Variants in KAT7 observed in about 807,000 individuals in gnomAD.
KAT7 encodes lysine acetyltransferase 7, also known as histone acetyltransferase KAT7.
Under a neutral mutation model 82.1 loss-of-function variants are expected in KAT7, and 10 were observed. The observed-to-expected ratio is 0.12, with a 90% CI of 0.08 to 0.21. KAT7 has a LOEUF of 0.21. KAT7 is among the 10% of genes least tolerant of loss of function. The pLI, the probability that KAT7 is intolerant of heterozygous loss-of-function variation, is 1.00. For missense variants in KAT7, 378 were observed against 760.9 expected (o/e 0.50, Z 5.92); for synonymous variants, 250 against 262.5 (o/e 0.95, Z 0.46).
At chr17:49,826,615 G>A in intron 13 of KAT7, 78 bp from the exon 14 acceptor site, 1 of 888,006 alleles carries the variant, frequency 1.1e-6, no homozygotes, top group Non-Finnish European at 1.9e-6. Context: ...TTCCTTTAAG[G>A]GAAAGTAGAC....
In KAT7 at chr17:49,830,912, AG is replaced by A. The variant is rs1420222746; in HGVS notation, c.*3412del. On this transcript the variant is annotated 3_prime_UTR_variant, in exon 15 of 15. Transcript: ENST00000259021. Reference sequence around the variant, plus strand: ...AAACTGGTGAAAACTTTCAGGCAAAAGGATTTTCTTTTTATATTTTTTCTTA... The same window carrying A: ...AAACTGGTGAAAACTTTCAGGCAAAAGATTTTCTTTTTATATTTTTTCTTA... The A allele has an allele frequency of 6.6e-6, 1 of 152,268 alleles. No homozygotes were observed. Among genetic ancestry groups the A allele is most frequent in the African/African-American group, 2.4e-5 (1 of 41,512 alleles). The allele number at this position is 152,268 out of a possible 1,614,324, so 9.4% of individuals were successfully genotyped here. A position where few individuals can be genotyped will look rare whatever the true frequency, so the allele number is the denominator to read the frequency against.
At chr17:49,801,790 C>T (rs1313395860) in intron 4 of KAT7, among the ~76,000 whole-genome samples, 1 of 152,066 alleles carries the variant, frequency 6.6e-6, no homozygotes, top group Admixed American at 6.6e-5. Flanking sequence ...GCACCGGGCC[C>T]CAAAATATTC....
At chr17:49,800,976 C>T (rs151122798) in intron 4 of KAT7, among the ~76,000 whole-genome samples, 307 of 152,224 alleles carry the variant, frequency 2.0e-3, no homozygotes, top group South Asian at 7.0e-3. Context: ...AGGAGAACAG[C>T]AAGTGCTCTG....
chr17:49,813,828 C>G (rs1418103529), intron 7 of KAT7, among the ~76,000 whole-genome samples: 3 of 151,684 alleles, frequency 2.0e-5, no homozygotes, highest in Admixed American at 6.6e-5. Context: ...GGGGGCGTTC[C>G]TGGAACTGGT....
intron 11 of KAT7, among the ~76,000 whole-genome samples, chr17:49,822,334 C>T (rs1044194042): frequency 1.3e-5 from 2 of 151,770 alleles, no homozygotes; most frequent in African/African-American, 4.8e-5. Context: ...TTCAAGTGAC[C>T]CTCCTGCCTC....
chr17:49,809,863 G>A (rs370529972), intron 6 of KAT7, among the ~76,000 whole-genome samples: 3 of 152,256 alleles, frequency 2.0e-5, no homozygotes, highest in African/African-American at 7.2e-5. Flanking sequence ...CTCTCCCACC[G>A]TTAAGGAATT....
chr17:49,825,363 C>G (rs2074356425), intron 12 of KAT7, among the ~76,000 whole-genome samples: 2 of 152,196 alleles, frequency 1.3e-5, no homozygotes, highest in African/African-American at 4.8e-5. Flanking sequence ...AGTGAAGTGG[C>G]TTCACATTTT....
At position 49,791,391 on chromosome 17, in the gene KAT7, C is replaced by T. The variant is rs143766997; in HGVS notation, c.16-495C>T. On this transcript the variant is annotated intron_variant, in intron 1 of 14. Coordinates refer to ENST00000259021, the MANE Select transcript of KAT7 (RefSeq NM_007067.5). ...TTCTCTTCATGGCCGGGTGTGGTGG[C>T]TCACGTCTGTAATCCCAGCACTTTG... is the stretch of plus-strand genomic sequence containing the variant. Among the ~76,000 whole-genome samples, 54 of 152,298 alleles carry T rather than the reference C, an allele frequency of 3.5e-4. No homozygotes were observed. In the East Asian group the frequency reaches 0.01, roughly 29 times the overall value.
At chr17:49,794,107 A>G (rs1264868411) in intron 2 of KAT7, among the ~76,000 whole-genome samples, 1 of 152,250 alleles carries the variant, frequency 6.6e-6, no homozygotes, top group Non-Finnish European at 1.5e-5. Context: ...ACTAGGAACC[A>G]TGATAGAAAA....
chr17:49,792,212 G>C (rs533593773), intron 2 of KAT7, among the ~76,000 whole-genome samples, 179 bp downstream of exon 2: 3 of 152,152 alleles, frequency 2.0e-5, no homozygotes, highest in Non-Finnish European at 4.4e-5. Context: ...ATGCCTCTGT[G>C]GGGGGCTACT....
chr17:49,797,039 G>A, intron 3 of KAT7, 113 bp downstream of exon 3: 1 of 785,310 alleles, frequency 1.3e-6, no homozygotes, highest in African/African-American at 1.8e-5. Context: ...CTAGATGAAT[G>A]CTGTTTGCTT....
At chr17:49,804,378 C>CAA (rs1192411045) in intron 4 of KAT7, among the ~76,000 whole-genome samples, 10 of 93,130 alleles carry the variant, frequency 1.1e-4, no homozygotes, top group Middle Eastern at 7.7e-3. Context: ...GACTCCGTCT[C>CAA]AAAAAAAAAA....
intron 9 of KAT7, among the ~76,000 whole-genome samples, chr17:49,820,627 A>ATGGC (rs914958430): frequency 2.7e-4 from 41 of 151,854 alleles, no homozygotes; most frequent in South Asian, 1.0e-3. Flanking sequence ...CTAACAGCAG[A>ATGGC]TGGCTGGCTG....
chr17:49,804,855 T>C (rs1285397048), intron 4 of KAT7, among the ~76,000 whole-genome samples: 2 of 152,176 alleles, frequency 1.3e-5, no homozygotes, highest in Non-Finnish European at 2.9e-5. Flanking sequence ...TTTAATCTGG[T>C]TTAAAGTTAT....
Position 49,791,932 on chromosome 17 carries a change from C to G in KAT7, c.62C>G (p.Ser21Cys). The G allele has an allele frequency of 1.2e-6, 2 of 1,614,194 alleles. No homozygotes were observed. Among genetic ancestry groups the G allele is most frequent in the Non-Finnish European group, 1.7e-6 (2 of 1,180,006 alleles). ...GATGGAACCGAAGATTCCGATTTTT[C>G]TACAGATCTCGAGCACACAGACAGT... ...SSDGTEDSDF[S>C]TDLEHTDSSE... The change falls in exon 2 of 15, where the codon TCT (serine) becomes TGT (cysteine). Residue 21 changes from serine (S) to cysteine (C), a missense_variant. Transcript: ENST00000259021.
At position 49,827,531 on chromosome 17, in the gene KAT7, C is replaced by A. The variant is rs1453560457; in HGVS notation, c.*29C>A. The A allele has an allele frequency of 7.6e-7, 1 of 1,320,386 alleles. No homozygotes were observed. Among genetic ancestry groups the A allele is most frequent in the Admixed American group, 1.7e-5 (1 of 59,452 alleles). 81.8% of individuals were successfully genotyped at this position (1,320,386 alleles called of 1,614,324 possible). On this transcript the variant is annotated 3_prime_UTR_variant, in exon 15 of 15. Coordinates refer to ENST00000259021, the MANE Select transcript of KAT7 (RefSeq NM_007067.5). ...GACCTGTCATTCCGAGCCAGCGAAC[C>A]CCAGCAGTAGGAATCCGTACCCTAG...
chr17:49,793,399 A>G (rs560719486), intron 2 of KAT7, among the ~76,000 whole-genome samples: 1 of 152,286 alleles, frequency 6.6e-6, no homozygotes, highest in South Asian at 2.1e-4. Context: ...GCATTTAGGC[A>G]TCTGGGGTTA....
intron 2 of KAT7, among the ~76,000 whole-genome samples, chr17:49,794,910 T>G (rs2073936378): frequency 6.6e-6 from 1 of 152,166 alleles, no homozygotes; most frequent in Non-Finnish European, 1.5e-5. Flanking sequence ...CCCTTGGAGA[T>G]GTACAAATGG....
At chr17:49,825,398 A>T (rs2074356689) in intron 12 of KAT7, among the ~76,000 whole-genome samples, 1 of 152,166 alleles carries the variant, frequency 6.6e-6, no homozygotes, top group African/African-American at 2.4e-5. Context: ...CTTGTTTCCA[A>T]CACACACCTA....
Sources: allele counts gnomAD v4.1 joint callset (sites outside exome capture counted in the v4.1 genomes callset), GRCh38; gene constraint gnomAD v4.1.1; transcripts MANE v1.5; gene names NCBI Gene and HGNC (gene_info 2026-07-23, HGNC 2026-07-21).